SATL1: variants seen among roughly 807,000 people sequenced by gnomAD.
SATL1 encodes the protein spermidine/spermine N(1)-acetyltransferase-like protein 1.
In SATL1, 47 loss-of-function variants were observed where a neutral mutation model predicts 51.8. The ratio of observed to expected loss-of-function variants is 0.91; its 90% CI spans 0.72 to 1.16. The LOEUF is 1.16. Among genes scored for constraint, SATL1 ranks in the 50% most tolerant of loss-of-function variants. SATL1 has a pLI of 0.00. For missense variants in SATL1, 520 were observed against 526.4 expected, an observed-to-expected ratio of 0.99 and a Z score of 0.12; for synonymous variants, 176 against 182.4, an observed-to-expected ratio of 0.97 and a Z score of 0.28.
chrX:85,226,208 A>T (rs775760310), intron 1 of SATL1, among the ~76,000 whole-genome samples: 4 of 110,891 alleles, frequency 3.6e-5, no homozygotes, highest in Non-Finnish European at 5.7e-5. Context: ...AAAAATATTT[A>T]TATCCTTAAC....
chrX:85,172,759 G>T lies in SATL1; in HGVS notation c.-313+51446C>A, dbSNP rs779638345. Among the ~76,000 whole-genome samples the T allele has an allele frequency of 2.7e-5, 3 of 110,955 alleles. No homozygotes were observed. In the South Asian group the frequency reaches 1.1e-3, roughly 42 times the overall value. ...ATTGCCTAGATTGTATGACATCATA[G>T]ATAACATGAATCCTAAAAGTCCTAC... On this transcript the variant is annotated intron_variant, in intron 2 of 7. Transcript: ENST00000644105.
At chrX:85,147,209 T>C (rs759665717) in intron 2 of SATL1, among the ~76,000 whole-genome samples, 120 of 114,590 alleles carry the variant, frequency 1.0e-3, no homozygotes, top group African/African-American at 3.6e-3. Context: ...CACGGAGTCT[T>C]GCTGATTGCT....
intron 2 of SATL1, among the ~76,000 whole-genome samples, chrX:85,118,032 A>G (rs758924680): frequency 1.7e-4 from 18 of 105,871 alleles, no homozygotes; most frequent in African/African-American, 5.8e-4. Flanking sequence ...TCTGGGGGCT[A>G]GTCTGGGATA....
intron 2 of SATL1, among the ~76,000 whole-genome samples, chrX:85,147,538 C>T (rs1273804610): frequency 8.8e-6 from 1 of 113,135 alleles, no homozygotes; most frequent in Non-Finnish European, 1.9e-5. Flanking sequence ...TCCCTGACCC[C>T]TGACCCCCGA....
intron 3 of SATL1, among the ~76,000 whole-genome samples, chrX:85,106,187 T>A (rs751135983): frequency 8.9e-6 from 1 of 112,144 alleles, no homozygotes; most frequent in South Asian, 3.7e-4. Flanking sequence ...AGAATGTGGA[T>A]CTGTAATAAT....
chrX:85,178,658 A>T (rs1927136578), intron 2 of SATL1, among the ~76,000 whole-genome samples: 1 of 110,229 alleles, frequency 9.1e-6, no homozygotes, highest in Admixed American at 9.7e-5. Flanking sequence ...AAAAAAAAAC[A>T]AAAAAACAAA....
intron 2 of SATL1, among the ~76,000 whole-genome samples, chrX:85,138,374 A>G (rs765142555): frequency 2.7e-5 from 3 of 112,072 alleles, no homozygotes; most frequent in African/African-American, 9.7e-5. Flanking sequence ...GCCTCCTTAA[A>G]TAGAGTCTGA....
intron 2 of SATL1, chrX:85,211,142 A>G (rs926194145): frequency 5.4e-5 from 6 of 112,140 alleles, no homozygotes; most frequent in Non-Finnish European, 1.1e-4. Flanking sequence ...TTCCTCATGG[A>G]AAAATAACTG....
chrX:85,182,028 TGTA>T (rs2147740320), intron 2 of SATL1, among the ~76,000 whole-genome samples: 1 of 111,366 alleles, frequency 9.0e-6, no homozygotes, highest in African/African-American at 3.3e-5. Context: ...ATGCATATAA[TGTA>T]TATTAATCAG....
intron 2 of SATL1, among the ~76,000 whole-genome samples, chrX:85,186,904 C>A (rs1346180799): frequency 9.0e-6 from 1 of 111,625 alleles, no homozygotes; most frequent in Non-Finnish European, 1.9e-5. Context: ...TCTTGCTCCA[C>A]CTTTTTCTGT....
chrX:85,209,672 C>T (rs1378757877), intron 2 of SATL1: 1 of 111,064 alleles, frequency 9.0e-6, no homozygotes, highest in African/African-American at 3.3e-5. Flanking sequence ...ATTTGGCTCT[C>T]TGTTTGTCTG....
chrX:85,159,292 C>T (rs941315830), intron 2 of SATL1, among the ~76,000 whole-genome samples: 2 of 111,887 alleles, frequency 1.8e-5, no homozygotes, highest in Admixed American at 1.9e-4. Flanking sequence ...TTATATACAA[C>T]AGGGGTCCCC....
intron 2 of SATL1, among the ~76,000 whole-genome samples, chrX:85,200,138 A>C (rs1411701211): frequency 2.7e-5 from 3 of 110,805 alleles, no homozygotes; most frequent in Admixed American, 1.9e-4. Context: ...ATGACCAGAA[A>C]TCCCTCACTT....
intron 2 of SATL1, among the ~76,000 whole-genome samples, chrX:85,114,166 A>C (rs938086914): frequency 3.4e-4 from 38 of 112,309 alleles, no homozygotes; most frequent in African/African-American, 1.2e-3. Flanking sequence ...GAATATTCAC[A>C]AACAGTTTCC....
chrX:85,221,255 T>G (rs990508460), intron 2 of SATL1, among the ~76,000 whole-genome samples: 6 of 112,070 alleles, frequency 5.4e-5, no homozygotes, highest in Non-Finnish European at 1.1e-4. Flanking sequence ...ATGTATGTGT[T>G]TGTGTGTTAC....
Position 85,212,199 on chromosome X carries a change from T to C in SATL1, c.-313+12006A>G, listed in dbSNP as rs372244067. The C allele has an allele frequency of 1.4e-4, 16 of 112,000 alleles. No individual in the cohort carries two copies. The East Asian group carries it at 3.6e-3, about 26-fold the overall frequency. 9.2% of individuals were successfully genotyped at this position (112,000 alleles called of 1,213,427 possible). A position where few individuals can be genotyped will look rare whatever the true frequency, so the allele number is the denominator to read the frequency against. On this transcript the variant is annotated intron_variant, in intron 2 of 7. Coordinates refer to ENST00000644105, the MANE Select transcript of SATL1 (RefSeq NM_001367857.2). ...GTAGATAGTTTTATGTACTTATCTT[T>C]TGGTAGAAGGTAGGGTTTCAGGGAA...
At chrX:85,119,519 C>A (rs1038499991) in intron 2 of SATL1, among the ~76,000 whole-genome samples, 1 of 111,485 alleles carries the variant, frequency 9.0e-6, no homozygotes, top group Non-Finnish European at 1.9e-5. Flanking sequence ...AATTGTTTCC[C>A]ATTTTGTGGC....
At chrX:85,174,788 T>C (rs1393007638) in intron 2 of SATL1, among the ~76,000 whole-genome samples, 1 of 111,876 alleles carries the variant, frequency 8.9e-6, no homozygotes, top group Non-Finnish European at 1.9e-5. Context: ...GTAATATTTG[T>C]TTTAGCTAGA....
intron 2 of SATL1, among the ~76,000 whole-genome samples, chrX:85,145,774 C>A (rs187792275): frequency 1.8e-5 from 2 of 111,633 alleles, no homozygotes; most frequent in African/African-American, 6.5e-5. Context: ...ATATAGTAGT[C>A]CCCCTTATTT....
Sources: gnomAD v4.1 joint callset for allele counts (sites outside exome capture counted in the v4.1 genomes callset) on GRCh38, gnomAD v4.1.1 for gene constraint, MANE v1.5 for transcripts, NCBI Gene and HGNC (gene_info 2026-07-23, HGNC 2026-07-21) for gene names.